The following ANKS1A variants were observed in gnomAD, a reference collection of about 807,000 sequenced individuals.
ANKS1A encodes ankyrin repeat and sterile alpha motif domain containing 1A, also known as ankyrin repeat and SAM domain-containing protein 1A.
In ANKS1A, 55 loss-of-function variants were observed where a neutral mutation model predicts 120.3. The observed-to-expected ratio is 0.46, with a 90% CI of 0.37 to 0.57. The LOEUF (loss-of-function observed/expected upper bound fraction) is 0.57, where lower values mean the gene tolerates loss of function less well. ANKS1A is among the 20% of genes least tolerant of loss of function. The probability of loss-of-function intolerance (pLI) is 0.00; values close to 1 mark genes in which losing one functional copy is unlikely to be tolerated. For synonymous variants in ANKS1A, 590 were observed against 604.7 expected (o/e 0.98, Z 0.36); for missense variants, 1,123 against 1,480.3 (o/e 0.76, Z 3.96).
chr6:34,963,128 C>T lies in ANKS1A; in HGVS notation c.198-4111C>T, dbSNP rs576340270. On this transcript the variant is annotated intron_variant, in intron 1 of 23. Transcript: ENST00000360359. Reference sequence around the variant, plus strand: ...CCGCCTGCCTCAGCCTCCCAAGGTACTGAGATTACAGGCATGAGCCACCAC... The same window carrying T: ...CCGCCTGCCTCAGCCTCCCAAGGTATTGAGATTACAGGCATGAGCCACCAC... Among the ~76,000 whole-genome samples, 10 of 152,244 alleles carry T rather than the reference C, an allele frequency of 6.6e-5. 1 individual carries two copies. In the South Asian group the frequency reaches 1.0e-3, roughly 16 times the overall value.
chr6:35,039,768 C>A, intron 11 of ANKS1A: 1 of 381,916 alleles, frequency 2.6e-6, no homozygotes, highest in South Asian at 1.9e-5. Flanking sequence ...CAGTGCTCAG[C>A]CCTCGAGAGG....
chr6:34,927,156 A>G (rs1303647795), intron 1 of ANKS1A, among the ~76,000 whole-genome samples: 6 of 152,056 alleles, frequency 3.9e-5, no homozygotes, highest in Non-Finnish European at 7.4e-5. Context: ...TGTGGTGCAG[A>G]GTATAAGTGC....
intron 11 of ANKS1A, among the ~76,000 whole-genome samples, chr6:35,026,632 G>A (rs749326143): frequency 6.6e-6 from 1 of 152,174 alleles, no homozygotes; most frequent in Admixed American, 6.5e-5. Flanking sequence ...AGGAGGACGT[G>A]AAGGAGCAAG....
At chr6:35,073,021 T>A (rs942190466) in intron 13 of ANKS1A, among the ~76,000 whole-genome samples, 5 of 152,258 alleles carry the variant, frequency 3.3e-5, no homozygotes, top group African/African-American at 9.6e-5. Flanking sequence ...AAGTCCAGTC[T>A]GCTCTCCAAG....
chr6:34,907,640 C>T (rs1767707130), intron 1 of ANKS1A, among the ~76,000 whole-genome samples: 1 of 152,096 alleles, frequency 6.6e-6, no homozygotes, highest in Non-Finnish European at 1.5e-5. Context: ...GAAAGGGATA[C>T]GGGGCTCTGT....
At chr6:35,009,694 A>G (rs1171895951) in intron 10 of ANKS1A, among the ~76,000 whole-genome samples, 1 of 151,840 alleles carries the variant, frequency 6.6e-6, no homozygotes, top group Admixed American at 6.6e-5. Flanking sequence ...CTTGAGGCCA[A>G]GAGTTCAAGA....
rs778240942 is a variant in ANKS1A, at chr6:35,081,144, C to T, written c.2695C>T (p.Arg899Cys). The T allele has an allele frequency of 1.7e-5, 28 of 1,610,430 alleles. No homozygotes were observed. In the Middle Eastern group the frequency reaches 4.9e-4, roughly 28 times the overall value. ...CCCTGCGGCACCCTCCCGAGCGGAG[C>T]GCTTCAGGATCCAGGTGGGGCAGGG... is the stretch of plus-strand genomic sequence containing the variant. ...HDPAAPSRAE[R>C]FRIQEEHREA... is the part of the protein sequence containing the mutation. The change falls in exon 17 of 24, where the codon CGC becomes TGC. Residue 899 changes from arginine to cysteine, a missense_variant. By Grantham distance (180) the Arg-to-Cys change is radical (BLOSUM62 -3). This residue lies in a region of ANKS1A where 904 missense variants were observed against 1,130.4 expected (regional missense o/e 0.80). Transcript: ENST00000360359.
chr6:35,001,846 G>A lies in ANKS1A; in HGVS notation c.1423+7424G>A, dbSNP rs191804636. ...CAACCAGAGGAAAAAAAAAATGGCA[G>A]TTGGAGTTTTAACCCAGACTGTAAG... On this transcript the variant is annotated intron_variant, in intron 10 of 23. Transcript: ENST00000360359. 1.7e-4 allele frequency among the ~76,000 whole-genome samples: 26 copies of A among 152,220 alleles called. 2 individuals are homozygous for A. In the East Asian group the frequency reaches 5.0e-3, roughly 29 times the overall value.
At chr6:35,053,625 T>C (rs1419244880) in intron 11 of ANKS1A, among the ~76,000 whole-genome samples, 1 of 152,212 alleles carries the variant, frequency 6.6e-6, no homozygotes, top group African/African-American at 2.4e-5. Context: ...CAGTATCAGT[T>C]ATCTGTTGAA....
intron 13 of ANKS1A, among the ~76,000 whole-genome samples, chr6:35,069,261 A>G (rs1776948856): frequency 6.6e-6 from 1 of 151,906 alleles, no homozygotes; most frequent in Non-Finnish European, 1.5e-5. Flanking sequence ...CTGCTTTCCC[A>G]AACTGCTTTT....
chr6:34,979,883 A>G (rs1480500334), intron 3 of ANKS1A, among the ~76,000 whole-genome samples: 1 of 152,230 alleles, frequency 6.6e-6, no homozygotes, highest in Non-Finnish European at 1.5e-5. Flanking sequence ...TACTCCACAG[A>G]AAGATCCTGT....
At chr6:34,945,259 G>A (rs1769732702) in intron 1 of ANKS1A, among the ~76,000 whole-genome samples, 2 of 151,954 alleles carry the variant, frequency 1.3e-5, no homozygotes, top group African/African-American at 4.8e-5. Flanking sequence ...AAAATATTTT[G>A]TAGAAATGGA....
At position 34,983,141 on chromosome 6, in the gene ANKS1A, T is replaced by C. The variant is rs761164750; in HGVS notation, c.837T>C (p.His279=). The C allele has an allele frequency of 6.2e-7, 1 of 1,614,148 alleles. No homozygotes were observed. The highest frequency in any genetic ancestry group is 1.1e-5 in the South Asian group (1 of 91,080). The change falls in exon 6 of 24, where the codon CAT becomes CAC. Residue 279 remains histidine (H), a synonymous_variant. Coordinates refer to ENST00000360359, the MANE Select transcript of ANKS1A (RefSeq NM_015245.3). ...CTGACGTCAACATAAAAGATAACCATGGACTGACTGCCCTAGACACTGTTC... is the reference window on the plus strand; with the variant it reads ...CTGACGTCAACATAAAAGATAACCACGGACTGACTGCCCTAGACACTGTTC... ...AGTDVNIKDN[H]GLTALDTVRE...
Position 35,017,675 on chromosome 6 carries a change from G to A in ANKS1A, c.1626G>A (p.Met542Ile). Residue 542 changes from methionine to isoleucine, a missense_variant, in exon 11 of 24, where the codon ATG (methionine) becomes ATA (isoleucine). This residue lies in a region of ANKS1A where 904 missense variants were observed against 1,130.4 expected (regional missense o/e 0.80). Coordinates refer to ENST00000360359, the MANE Select transcript of ANKS1A (RefSeq NM_015245.3). ...AGGGCGCCTGCCACAAGGCCAGCAT[G>A]CAGCTGGAGGAGACGGGTGTGCATG... ...PQQGACHKAS[M>I]QLEETGVHAP... 6.2e-7 allele frequency: 1 copy of A among 1,614,014 alleles called. No homozygotes were observed. The highest frequency in any genetic ancestry group is 8.5e-7 in the Non-Finnish European group (1 of 1,179,960).
chr6:34,942,231 CT>C (rs1769571565), intron 1 of ANKS1A, among the ~76,000 whole-genome samples: 1 of 152,202 alleles, frequency 6.6e-6, no homozygotes, highest in South Asian at 2.1e-4. Context: ...GCCATCTCTT[CT>C]TTCTTTCGAG....
intron 18 of ANKS1A, 97 bp from the exon 19 acceptor site, chr6:35,083,058 G>T: frequency 1.4e-6 from 2 of 1,456,976 alleles, no homozygotes; most frequent in South Asian, 1.2e-5. Context: ...TATTGAGAGG[G>T]GTAACTACTT....
At chr6:34,924,269 A>G (rs552342450) in intron 1 of ANKS1A, among the ~76,000 whole-genome samples, 2 of 152,060 alleles carry the variant, frequency 1.3e-5, no homozygotes, top group Non-Finnish European at 2.9e-5. Flanking sequence ...GTTTCTTGTT[A>G]TGATGCATTT....
intron 1 of ANKS1A, among the ~76,000 whole-genome samples, chr6:34,899,871 T>C (rs969196088): frequency 6.6e-6 from 1 of 152,240 alleles, no homozygotes; most frequent in Non-Finnish European, 1.5e-5. Flanking sequence ...TCTTGCTTTT[T>C]CAGGTTGCCC....
chr6:34,910,045 T>G (rs1343942457), intron 1 of ANKS1A, among the ~76,000 whole-genome samples: 2 of 152,066 alleles, frequency 1.3e-5, no homozygotes, highest in Non-Finnish European at 2.9e-5. Context: ...ACATTGACAG[T>G]AGTTATGGAT....
Sources: allele counts gnomAD v4.1 joint callset (sites outside exome capture counted in the v4.1 genomes callset), GRCh38; gene constraint gnomAD v4.1.1; regional missense constraint gnomAD v4.1.1; transcripts MANE v1.5; gene names NCBI Gene and HGNC (gene_info 2026-07-23, HGNC 2026-07-21).